Variants in HS6ST3 observed in about 807,000 individuals in gnomAD.
The protein encoded by HS6ST3 is heparan sulfate 6-O-sulfotransferase 3.
In HS6ST3, 12 loss-of-function variants were observed where a neutral mutation model predicts 36.7. The ratio of observed to expected loss-of-function variants is 0.33; its 90% CI spans 0.21 to 0.53. The LOEUF (loss-of-function observed/expected upper bound fraction) is 0.53, where lower values mean the gene tolerates loss of function less well. Among genes scored for constraint, HS6ST3 ranks in the 20% least tolerant of loss-of-function variants. The pLI, the probability that HS6ST3 is intolerant of heterozygous loss-of-function variation, is 0.95. For missense variants in HS6ST3, 584 were observed against 640.9 expected, an observed-to-expected ratio of 0.91 and a Z score of 0.96; for synonymous variants, 240 against 257.5, an observed-to-expected ratio of 0.93 and a Z score of 0.65.
chr13:96,128,960 G>A (rs867776077), intron 1 of HS6ST3, among the ~76,000 whole-genome samples: 5 of 151,350 alleles, frequency 3.3e-5, no homozygotes, highest in Non-Finnish European at 7.4e-5. Flanking sequence ...ATTCTCCTGC[G>A]TCAGCCTCCC....
intron 1 of HS6ST3, among the ~76,000 whole-genome samples, chr13:96,375,691 A>G (rs1484944336): frequency 6.6e-6 from 1 of 152,118 alleles, no homozygotes; most frequent in Admixed American, 6.6e-5. Context: ...TGCCACCTAA[A>G]CTCTAGAAAA....
intron 1 of HS6ST3, among the ~76,000 whole-genome samples, chr13:96,190,601 G>A (rs118050905): frequency 0.025 from 3,880 of 152,228 alleles, 62 homozygotes; most frequent in East Asian, 0.055. Flanking sequence ...TGGAGATAAA[G>A]CAATGAACAA....
At chr13:96,476,516 C>G (rs1815828997) in intron 1 of HS6ST3, among the ~76,000 whole-genome samples, 1 of 152,154 alleles carries the variant, frequency 6.6e-6, no homozygotes, top group South Asian at 2.1e-4. Context: ...GCGCCCACCA[C>G]CATGCCTGGC....
At chr13:96,205,478 G>A (rs1328314832) in intron 1 of HS6ST3, among the ~76,000 whole-genome samples, 2 of 152,112 alleles carry the variant, frequency 1.3e-5, no homozygotes, top group African/African-American at 4.8e-5. Context: ...CTCATTCTGT[G>A]AGGCTAGCAT....
At chr13:96,432,105 C>A (rs1428858970) in intron 1 of HS6ST3, among the ~76,000 whole-genome samples, 1 of 152,114 alleles carries the variant, frequency 6.6e-6, no homozygotes, top group Non-Finnish European at 1.5e-5. Flanking sequence ...ACTTCCATTT[C>A]TTTTTGCCCT....
Position 96,168,471 on chromosome 13 carries a change from C to T in HS6ST3, c.707+76902C>T, listed in dbSNP as rs550435944. Among the ~76,000 whole-genome samples, 12 of 152,004 alleles carry T rather than the reference C, an allele frequency of 7.9e-5. No individual in the cohort carries two copies. The East Asian group carries it at 1.9e-3, about 25-fold the overall frequency. On this transcript the variant is annotated intron_variant, in intron 1 of 1. Coordinates refer to ENST00000376705, the MANE Select transcript of HS6ST3 (RefSeq NM_153456.4). ...CTGTAATCCCAGCACTTTGGGTGGC[C>T]GGAGCAGGGGGATCCCTTCAGCCTA...
At chr13:96,107,196 G>T (rs2053845748) in intron 1 of HS6ST3, among the ~76,000 whole-genome samples, 1 of 152,180 alleles carries the variant, frequency 6.6e-6, no homozygotes, top group Non-Finnish European at 1.5e-5. Flanking sequence ...TGATAGTATG[G>T]GGGTTGTAGG....
intron 1 of HS6ST3, among the ~76,000 whole-genome samples, chr13:96,436,850 T>G (rs1279199365): frequency 6.6e-6 from 1 of 152,164 alleles, no homozygotes; most frequent in African/African-American, 2.4e-5. Flanking sequence ...TCCATGGTAT[T>G]TTTGTTATGG....
chr13:96,158,865 G>A (rs1283432022), intron 1 of HS6ST3, among the ~76,000 whole-genome samples: 2 of 151,918 alleles, frequency 1.3e-5, no homozygotes, highest in Non-Finnish European at 2.9e-5. Context: ...ATTCCTGAGA[G>A]TGATTCTGGA....
chr13:96,217,648 A>T (rs1349580263), intron 1 of HS6ST3, among the ~76,000 whole-genome samples: 1 of 152,236 alleles, frequency 6.6e-6, no homozygotes, highest in Admixed American at 6.5e-5. Context: ...AAATTCTGGC[A>T]GGATCTTAAA....
chr13:96,268,187 C>G (rs1056730696), intron 1 of HS6ST3, among the ~76,000 whole-genome samples: 1 of 151,782 alleles, frequency 6.6e-6, no homozygotes, highest in Non-Finnish European at 1.5e-5. Context: ...TGGGGAAACA[C>G]AATTTAGTCC....
At chr13:96,307,213 C>G (rs1367766672) in intron 1 of HS6ST3, among the ~76,000 whole-genome samples, 1 of 152,136 alleles carries the variant, frequency 6.6e-6, no homozygotes, top group Non-Finnish European at 1.5e-5. Flanking sequence ...TCTCTAATAT[C>G]ATGTCTTGGG....
At position 96,837,962 on chromosome 13, in the gene HS6ST3, C is replaced by G. The variant is rs1878976672; in HGVS notation, c.*4764C>G. ...AGGTTTCATTGGCTGTTAAATGAGT[C>G]CCTTTGCATACTCACTGGAGAGAGG... On this transcript the variant is annotated 3_prime_UTR_variant, in exon 2 of 2. Transcript: ENST00000376705. 1 of 152,084 alleles carries G rather than the reference C, an allele frequency of 6.6e-6. No homozygotes were observed. Among genetic ancestry groups the G allele is most frequent in the African/African-American group, 2.4e-5 (1 of 41,392 alleles). The allele number at this position is 152,084 out of a possible 1,614,324, so 9.4% of individuals were successfully genotyped here.
chr13:96,611,883 C>A (rs1284788049), intron 1 of HS6ST3, among the ~76,000 whole-genome samples: 1 of 152,086 alleles, frequency 6.6e-6, no homozygotes, highest in African/African-American at 2.4e-5. Context: ...ACAAAGTAAG[C>A]AGGGGTCATC....
At chr13:96,561,909 A>G (rs1388532459) in intron 1 of HS6ST3, among the ~76,000 whole-genome samples, 1 of 152,206 alleles carries the variant, frequency 6.6e-6, no homozygotes, top group African/African-American at 2.4e-5. Context: ...AGAAGAGAGA[A>G]TGCTTACACA....
At chr13:96,345,472 C>T (rs909819912) in intron 1 of HS6ST3, among the ~76,000 whole-genome samples, 1 of 152,064 alleles carries the variant, frequency 6.6e-6, no homozygotes, top group African/African-American at 2.4e-5. Flanking sequence ...ATTCCAAAAA[C>T]CAGTAGATGT....
intron 1 of HS6ST3, among the ~76,000 whole-genome samples, chr13:96,670,936 C>T (rs2056680697): frequency 6.6e-6 from 1 of 152,086 alleles, no homozygotes; most frequent in Admixed American, 6.6e-5. Context: ...CTGGCTGCTC[C>T]TTGACCATGT....
Position 96,689,427 on chromosome 13 carries a change from A to G in HS6ST3, c.708-143063A>G, listed in dbSNP as rs201400577. 1.7e-4 allele frequency among the ~76,000 whole-genome samples: 26 copies of G among 152,100 alleles called. No homozygotes were observed. The East Asian group carries it at 4.8e-3, about 28-fold the overall frequency. On this transcript the variant is annotated intron_variant, in intron 1 of 1. Transcript: ENST00000376705. Reference sequence around the variant, plus strand: ...CTGTAGCAAATTTAACCTTTATAATAAACTATATTCTGGTATAGTTTATGC... The same window carrying G: ...CTGTAGCAAATTTAACCTTTATAATGAACTATATTCTGGTATAGTTTATGC...
chr13:96,546,235 C>A (rs2056197127), intron 1 of HS6ST3, among the ~76,000 whole-genome samples: 1 of 152,052 alleles, frequency 6.6e-6, no homozygotes, highest in Non-Finnish European at 1.5e-5. Context: ...CCAATTCAAG[C>A]AGAACCTTTA....
Sources: allele counts gnomAD v4.1 joint callset (sites outside exome capture counted in the v4.1 genomes callset), GRCh38; gene constraint gnomAD v4.1.1; transcripts MANE v1.5; gene names NCBI Gene and HGNC (gene_info 2026-07-23, HGNC 2026-07-21).